Variants in PKHD1 observed in about 807,000 individuals in gnomAD.
PKHD1 encodes the protein fibrocystin.
PKHD1 carries 291 observed loss-of-function variants against 412.0 expected under a neutral mutation model. The ratio of observed to expected loss-of-function variants is 0.71; its 90% CI spans 0.64 to 0.78. The LOEUF (loss-of-function observed/expected upper bound fraction) is 0.78. Ranked by LOEUF, PKHD1 falls within the 30% of genes least tolerant of loss-of-function variation. The pLI, the probability that PKHD1 is intolerant of heterozygous loss-of-function variation, is 0.00. For synonymous variants in PKHD1, 1,777 were observed against 1,821.5 expected, an observed-to-expected ratio of 0.98 and a Z score of 0.62; for missense variants, 4,825 against 4,950.7, an observed-to-expected ratio of 0.97 and a Z score of 0.76.
intron 36 of PKHD1, 133 bp from the exon 37 acceptor site, chr6:51,934,455 C>T: frequency 1.4e-6 from 1 of 708,102 alleles, no homozygotes; most frequent in Non-Finnish European, 2.6e-6. Flanking sequence ...CATGCTCTCT[C>T]TTGTAGAAGC....
intron 37 of PKHD1, among the ~76,000 whole-genome samples, chr6:51,926,259 G>A (rs1367062793): frequency 2.0e-5 from 3 of 152,134 alleles, no homozygotes; most frequent in Non-Finnish European, 4.4e-5. Flanking sequence ...GACTGAAAAT[G>A]AAGCCAGCTG....
intron 35 of PKHD1, among the ~76,000 whole-genome samples, chr6:51,981,301 A>AAAGCTC (rs149843697): frequency 5.4e-5 from 2 of 37,142 alleles, no homozygotes; most frequent in East Asian, 9.4e-4. Context: ...GAGAGGCTCC[A>AAAGCTC]AAGCTCAAGC....
In PKHD1 at chr6:51,625,468, C is replaced by A. The variant is rs369327883; in HGVS notation, c.11785+1529G>T. ...CTTAGAAGATAAGGAAACAAATCTGCTGTGATCCCCAGAGGAGGATTCGGA... is the reference window on the plus strand; with the variant it reads ...CTTAGAAGATAAGGAAACAAATCTGATGTGATCCCCAGAGGAGGATTCGGA... On this transcript the variant is annotated intron_variant, in intron 66 of 66. Coordinates refer to ENST00000371117, the MANE Select transcript of PKHD1 (RefSeq NM_138694.4). 3.9e-5 allele frequency among the ~76,000 whole-genome samples: 6 copies of A among 152,242 alleles called. No homozygotes were observed. In the South Asian group the frequency reaches 1.0e-3, roughly 26 times the overall value.
At chr6:51,644,063 G>C (rs949103365) in intron 63 of PKHD1, among the ~76,000 whole-genome samples, 2 of 152,072 alleles carry the variant, frequency 1.3e-5, no homozygotes, top group African/African-American at 4.8e-5. Context: ...TAAGGGTTTT[G>C]AAGCTATGAA....
intron 60 of PKHD1, among the ~76,000 whole-genome samples, chr6:51,689,919 C>T (rs1396351354): frequency 2.0e-5 from 3 of 152,104 alleles, no homozygotes; most frequent in Non-Finnish European, 2.9e-5. Context: ...CCATACTGCC[C>T]AGAGCAATTT....
chr6:51,771,965 T>C lies in PKHD1; in HGVS notation c.8642+737A>G, dbSNP rs143751193. 4.7e-3 allele frequency among the ~76,000 whole-genome samples: 711 copies of C among 152,236 alleles called. 3 individuals are homozygous for C. The highest frequency in any genetic ancestry group is 0.016 in the African/African-American group (675 of 41,566). On this transcript the variant is annotated intron_variant, in intron 55 of 66. Transcript: ENST00000371117. ...TGTTCACTCTATTTTTCTTATACTA[T>C]GAAGATAATGTAATAAAGCAATCAC...
chr6:51,635,781 T>G (rs1012926269), intron 64 of PKHD1, among the ~76,000 whole-genome samples: 2 of 144,790 alleles, frequency 1.4e-5, no homozygotes, highest in African/African-American at 5.1e-5. Flanking sequence ...CGTGACTTTC[T>G]GGGGGGAGAA....
chr6:52,069,343 T>C lies in PKHD1; in HGVS notation c.778+114A>G, dbSNP rs1582084307. 8 of 804,704 alleles carry C rather than the reference T, an allele frequency of 9.9e-6. No homozygotes were observed. In the East Asian group the frequency reaches 1.5e-4, roughly 15 times the overall value. 49.8% of individuals were successfully genotyped at this position (804,704 alleles called of 1,614,324 possible). The stretch of plus-strand genomic sequence containing the variant: ...AAAAACACCAGGCTGTCTATGATTG[T>C]AGGGACAGCTTCGGGTGTTAATGGT... On this transcript the variant is annotated intron_variant, in intron 11 of 66. Transcript: ENST00000371117.
intron 43 of PKHD1, among the ~76,000 whole-genome samples, chr6:51,902,601 C>T (rs1437476296): frequency 1.3e-5 from 2 of 152,162 alleles, no homozygotes; most frequent in African/African-American, 4.8e-5. Context: ...GAAGCTCATC[C>T]TCTGAGTTCC....
intron 45 of PKHD1, among the ~76,000 whole-genome samples, chr6:51,884,373 T>C (rs1282700689): frequency 6.6e-6 from 1 of 152,188 alleles, no homozygotes; most frequent in Non-Finnish European, 1.5e-5. Flanking sequence ...TCTATTTCAT[T>C]GACATATATA....
At chr6:51,729,943 C>T (rs935570428) in intron 60 of PKHD1, among the ~76,000 whole-genome samples, 1 of 152,168 alleles carries the variant, frequency 6.6e-6, no homozygotes, top group African/African-American at 2.4e-5. Context: ...GGTTAGTGGA[C>T]ACAATCCAAG....
intron 19 of PKHD1, 63 bp downstream of exon 19, chr6:52,055,524 G>T: frequency 6.4e-7 from 1 of 1,573,528 alleles, no homozygotes; most frequent in Non-Finnish European, 8.7e-7. Context: ...TTTCAGTCTT[G>T]AATCCAGAGA....
chr6:52,026,222 T>G (rs1297239805), intron 31 of PKHD1, 41 bp from the exon 32 acceptor site: 2 of 1,571,158 alleles, frequency 1.3e-6, no homozygotes, highest in South Asian at 2.2e-5. Flanking sequence ...ATAGCTGATA[T>G]TCTGAACTAA....
chr6:51,836,841 T>C (rs912025675), intron 50 of PKHD1, among the ~76,000 whole-genome samples: 5 of 152,162 alleles, frequency 3.3e-5, no homozygotes, highest in African/African-American at 1.2e-4. Flanking sequence ...AATTCATGTG[T>C]TTTTCACCAA....
chr6:52,032,278 A>C (rs1380970483), intron 29 of PKHD1, among the ~76,000 whole-genome samples: 1 of 152,192 alleles, frequency 6.6e-6, no homozygotes, highest in Non-Finnish European at 1.5e-5. Flanking sequence ...GGCTACCACA[A>C]ACCCTGTTAT....
At chr6:51,683,115 A>T (rs1403783777) in intron 60 of PKHD1, among the ~76,000 whole-genome samples, 1 of 152,024 alleles carries the variant, frequency 6.6e-6, no homozygotes, top group East Asian at 1.9e-4. Flanking sequence ...AACTATGAAG[A>T]TTTTTTTACA....
At chr6:51,628,112 T>C (rs146289503) in intron 65 of PKHD1, among the ~76,000 whole-genome samples, 146 of 152,296 alleles carry the variant, frequency 9.6e-4, no homozygotes, top group African/African-American at 3.3e-3. Context: ...GGGGTACATG[T>C]ACAGGTTTGT....
chr6:52,056,648 AAAG>A, intron 18 of PKHD1, 47 bp downstream of exon 18: 1 of 1,282,552 alleles, frequency 7.8e-7, no homozygotes. Flanking sequence ...TTATAGAAAG[AAAG>A]AAGACCATGA....
intron 29 of PKHD1, 53 bp downstream of exon 29, chr6:52,032,977 T>G: frequency 6.6e-7 from 1 of 1,523,756 alleles, no homozygotes; most frequent in Non-Finnish European, 9.1e-7. Context: ...TTGCCCTTTT[T>G]ATAGGACCAA....
Sources: gnomAD v4.1 joint callset for allele counts (sites outside exome capture counted in the v4.1 genomes callset) on GRCh38, gnomAD v4.1.1 for gene constraint, MANE v1.5 for transcripts, NCBI Gene and HGNC (gene_info 2026-07-23, HGNC 2026-07-21) for gene names.